Variants in FTO observed in about 807,000 individuals in gnomAD.
FTO encodes FTO alpha-ketoglutarate dependent dioxygenase, also known as alpha-ketoglutarate-dependent dioxygenase FTO.
In FTO, 47 loss-of-function variants were observed where a neutral mutation model predicts 63.9. The ratio of observed to expected loss-of-function variants is 0.74; its 90% confidence interval spans 0.58 to 0.94. The LOEUF is 0.94. Ranked by LOEUF, FTO falls within the 40% of genes least tolerant of loss-of-function variation. FTO has a pLI of 0.00. For missense variants in FTO, 562 were observed against 618.1 expected, an observed-to-expected ratio of 0.91 and a Z score of 0.96; for synonymous variants, 207 against 224.4, an observed-to-expected ratio of 0.92 and a Z score of 0.69.
chr16:53,973,282 T>C (rs1339955501), intron 8 of FTO, among the ~76,000 whole-genome samples: 1 of 152,200 alleles, frequency 6.6e-6, no homozygotes, highest in Non-Finnish European at 1.5e-5. Flanking sequence ...TTGTCGGACA[T>C]GGAGCCGTCC....
At chr16:53,749,213 T>A (rs1345624940) in intron 1 of FTO, among the ~76,000 whole-genome samples, 1 of 152,214 alleles carries the variant, frequency 6.6e-6, no homozygotes, top group Non-Finnish European at 1.5e-5. Flanking sequence ...AGTATTTTGG[T>A]GGAATTTGTA....
chr16:53,915,879 A>G (rs913387249), intron 7 of FTO, among the ~76,000 whole-genome samples: 8 of 152,240 alleles, frequency 5.3e-5, no homozygotes, highest in African/African-American at 1.9e-4. Context: ...AGATGAGCCA[A>G]TAATATCTGC....
At chr16:53,887,999 A>C (rs942060805) in intron 6 of FTO, 2 of 152,092 alleles carry the variant, frequency 1.3e-5, no homozygotes, top group Non-Finnish European at 1.5e-5. Context: ...TTGTAATACC[A>C]GCCTTAAATA....
intron 8 of FTO, among the ~76,000 whole-genome samples, chr16:54,066,920 G>T (rs2085745644): frequency 6.6e-6 from 1 of 152,216 alleles, no homozygotes; most frequent in African/African-American, 2.4e-5. Flanking sequence ...ATTTGCAAAG[G>T]TCAGGCTTTA....
chr16:54,104,457 C>T (rs538363028), intron 8 of FTO, among the ~76,000 whole-genome samples: 1 of 151,976 alleles, frequency 6.6e-6, no homozygotes, highest in Admixed American at 6.6e-5. Context: ...GGATTATAGG[C>T]GTGCACCACC....
intron 1 of FTO, among the ~76,000 whole-genome samples, chr16:53,748,737 C>A (rs1222585194): frequency 6.6e-6 from 1 of 151,558 alleles, no homozygotes; most frequent in African/African-American, 2.4e-5. Flanking sequence ...AGCCACTGTG[C>A]CTGGCCTGTA....
At chr16:53,857,273 T>C (rs1294918812) in intron 4 of FTO, among the ~76,000 whole-genome samples, 2 of 152,118 alleles carry the variant, frequency 1.3e-5, no homozygotes, top group African/African-American at 4.8e-5. Context: ...TGTCTGTTGT[T>C]CCTTTCTTTG....
At chr16:53,807,920 G>A (rs951805724) in intron 1 of FTO, among the ~76,000 whole-genome samples, 1 of 152,116 alleles carries the variant, frequency 6.6e-6, no homozygotes, top group African/African-American at 2.4e-5. Context: ...CTGAAAAATA[G>A]ATAAATCAAT....
intron 4 of FTO, among the ~76,000 whole-genome samples, chr16:53,868,176 G>T (rs894578719): frequency 6.6e-6 from 1 of 151,954 alleles, no homozygotes; most frequent in Non-Finnish European, 1.5e-5. Context: ...TTTAGACCAT[G>T]GGCATTTAAA....
At chr16:53,858,162 A>G (rs2080063465) in intron 4 of FTO, among the ~76,000 whole-genome samples, 2 of 152,304 alleles carry the variant, frequency 1.3e-5, no homozygotes, top group South Asian at 4.1e-4. Context: ...ATTCTCTACA[A>G]TGAGCATGTA....
chr16:54,038,841 G>GA (rs1398710081), intron 8 of FTO, among the ~76,000 whole-genome samples: 2 of 152,160 alleles, frequency 1.3e-5, no homozygotes, highest in Admixed American at 6.5e-5. Flanking sequence ...ACAGCCTGTA[G>GA]AACCATAAGC....
chr16:53,876,351 T>C (rs1181938292), intron 5 of FTO, among the ~76,000 whole-genome samples: 1 of 152,208 alleles, frequency 6.6e-6, no homozygotes, highest in African/African-American at 2.4e-5. Context: ...TACTCATCAA[T>C]ATATAGCACT....
At chr16:53,784,343 G>A (rs1011423231) in intron 1 of FTO, among the ~76,000 whole-genome samples, 6 of 152,234 alleles carry the variant, frequency 3.9e-5, no homozygotes, top group African/African-American at 1.4e-4. Context: ...GGCTCTCCTT[G>A]TGTCTTTTCA....
chr16:53,822,694 T>A (rs1228342796), intron 2 of FTO, among the ~76,000 whole-genome samples: 1 of 152,024 alleles, frequency 6.6e-6, no homozygotes, highest in African/African-American at 2.4e-5. Flanking sequence ...TGTGTATATG[T>A]GTGTGTGTAT....
rs548296623 is a variant in FTO at position 54,066,114 on chromosome 16, A to G, written c.1365-45648A>G. On this transcript the variant is annotated intron_variant, in intron 8 of 8. Transcript: ENST00000471389. ...GGTCCCGCCTTGCCTTGGGGACACT[A>G]GCATCTGAGGAGTTACCACTACTAG... is the stretch of plus-strand genomic sequence containing the variant. Among the ~76,000 whole-genome samples the G allele has an allele frequency of 7.9e-5, 12 of 152,332 alleles. No homozygotes were observed. In the South Asian group the frequency reaches 2.5e-3, roughly 32 times the overall value.
intron 8 of FTO, among the ~76,000 whole-genome samples, chr16:54,055,073 G>A (rs1382380501): frequency 6.6e-6 from 1 of 152,172 alleles, no homozygotes; most frequent in Non-Finnish European, 1.5e-5. Flanking sequence ...GAAGTCTTTA[G>A]AACAAGATTA....
intron 1 of FTO, among the ~76,000 whole-genome samples, chr16:53,707,461 T>G (rs777672520): frequency 1.3e-5 from 2 of 152,202 alleles, no homozygotes; most frequent in Non-Finnish European, 2.9e-5. Context: ...CCAAATAAGG[T>G]TACATTCACA....
At chr16:53,860,139 TACTC>T (rs144523576) in intron 4 of FTO, among the ~76,000 whole-genome samples, 1,804 of 152,284 alleles carry the variant, frequency 0.012, 30 homozygotes, top group African/African-American at 0.04. Flanking sequence ...AATGAAATAT[TACTC>T]AGTCTTAAAA....
chr16:53,923,859 C>T (rs1657251146), intron 7 of FTO, among the ~76,000 whole-genome samples: 1 of 151,912 alleles, frequency 6.6e-6, no homozygotes, highest in South Asian at 2.1e-4. Flanking sequence ...CAGCGGTCGC[C>T]CACATGACTG....
Sources: gnomAD v4.1 joint callset for allele counts (sites outside exome capture counted in the v4.1 genomes callset) on GRCh38, gnomAD v4.1.1 for gene constraint, MANE v1.5 for transcripts, NCBI Gene and HGNC (gene_info 2026-07-23, HGNC 2026-07-21) for gene names.